ADAMTSL3: variants seen among roughly 807,000 people sequenced by gnomAD.
The protein encoded by ADAMTSL3 is ADAMTS-like protein 3.
A neutral mutation model predicts 201.7 loss-of-function variants in ADAMTSL3; 128 were observed. That is an observed-to-expected ratio of 0.63 (90% CI 0.55 to 0.73). ADAMTSL3 has a LOEUF of 0.73. ADAMTSL3 is among the 30% of genes least tolerant of loss of function. The pLI is 0.00. For missense variants in ADAMTSL3, 1,990 were observed against 2,119.6 expected, an observed-to-expected ratio of 0.94 and a Z score of 1.20; for synonymous variants, 738 against 748.4, an observed-to-expected ratio of 0.99 and a Z score of 0.23.
Position 84,023,657 on chromosome 15 carries a change from C to T in ADAMTSL3, c.4458-1581C>T, listed in dbSNP as rs79756320. On this transcript the variant is annotated intron_variant, in intron 26 of 29. Coordinates refer to ENST00000286744, the MANE Select transcript of ADAMTSL3 (RefSeq NM_207517.3). Reference sequence around the variant, plus strand: ...ATGGCATTTCTTGATTTTCAAAACGCGGAGAGAATCCACATTGGGAAATCT... The same window carrying T: ...ATGGCATTTCTTGATTTTCAAAACGTGGAGAGAATCCACATTGGGAAATCT... Among the ~76,000 whole-genome samples, 23 of 152,290 alleles carry T rather than the reference C, an allele frequency of 1.5e-4. No individual in the cohort carries two copies. In the South Asian group the frequency reaches 2.5e-3, roughly 16 times the overall value.
At chr15:83,754,871 G>T (rs1272116558) in intron 3 of ADAMTSL3, among the ~76,000 whole-genome samples, 1 of 152,202 alleles carries the variant, frequency 6.6e-6, no homozygotes, top group Non-Finnish European at 1.5e-5. Flanking sequence ...AAGGTGAGGA[G>T]ATTGGCGTTA....
In ADAMTSL3 at chr15:83,716,928, C is replaced by A. The variant is rs573904323; in HGVS notation, c.189+12420C>A. Reference sequence around the variant, plus strand: ...TTTCAAAATGATTGAGTAAATTTTTCTTTATAATTGGGAAAAGGCAAGATT... The same window carrying A: ...TTTCAAAATGATTGAGTAAATTTTTATTTATAATTGGGAAAAGGCAAGATT... On this transcript the variant is annotated intron_variant, in intron 3 of 29. Coordinates refer to ENST00000286744, the MANE Select transcript of ADAMTSL3 (RefSeq NM_207517.3). 2.6e-5 allele frequency among the ~76,000 whole-genome samples: 4 copies of A among 152,198 alleles called. 1 individual carries two copies. The South Asian group carries it at 8.3e-4, about 32-fold the overall frequency.
chr15:83,930,508 A>T (rs1249878161), intron 17 of ADAMTSL3, among the ~76,000 whole-genome samples: 1 of 152,210 alleles, frequency 6.6e-6, no homozygotes, highest in African/African-American at 2.4e-5. Context: ...TGGTTTATTC[A>T]TGCATCAGCC....
chr15:83,848,700 A>C (rs1032613274), intron 7 of ADAMTSL3, among the ~76,000 whole-genome samples: 1 of 152,240 alleles, frequency 6.6e-6, no homozygotes, highest in Non-Finnish European at 1.5e-5. Context: ...ATCTTGGGCA[A>C]GTCACTTTAA....
intron 5 of ADAMTSL3, among the ~76,000 whole-genome samples, 153 bp downstream of exon 5, chr15:83,804,848 A>C (rs1405421449): frequency 6.6e-6 from 1 of 152,204 alleles, no homozygotes; most frequent in Non-Finnish European, 1.5e-5. Flanking sequence ...TTGTATATCA[A>C]ATATCTTCCA....
intron 3 of ADAMTSL3, among the ~76,000 whole-genome samples, chr15:83,763,374 A>AATTTT (rs1567128426): frequency 6.6e-6 from 1 of 151,710 alleles, no homozygotes; most frequent in Non-Finnish European, 1.5e-5. Context: ...CTGTGATGTG[A>AATTTT]ATTTTATTTT....
chr15:84,017,181 G>A (rs1292703011), intron 25 of ADAMTSL3, among the ~76,000 whole-genome samples: 2 of 152,128 alleles, frequency 1.3e-5, no homozygotes, highest in Non-Finnish European at 2.9e-5. Flanking sequence ...GCAGTGGCGT[G>A]ATCTCAGCTC....
chr15:83,950,872 T>G (rs749513109), intron 19 of ADAMTSL3, among the ~76,000 whole-genome samples: 3 of 152,146 alleles, frequency 2.0e-5, no homozygotes, highest in Non-Finnish European at 4.4e-5. Context: ...TTTACTGAAT[T>G]TGTTTATCAG....
chr15:84,034,338 T>TAG (rs1405828688), intron 28 of ADAMTSL3, among the ~76,000 whole-genome samples: 2 of 152,072 alleles, frequency 1.3e-5, no homozygotes, highest in Non-Finnish European at 2.9e-5. Flanking sequence ...CAGGAAATGT[T>TAG]AGAGAGTGTT....
intron 4 of ADAMTSL3, 92 bp downstream of exon 4, chr15:83,773,742 T>C: frequency 1.4e-6 from 2 of 1,429,382 alleles, no homozygotes; most frequent in Non-Finnish European, 1.9e-6. Flanking sequence ...GGCTTTGGAA[T>C]GTACTGTGAT....
chr15:83,835,733 GT>G (rs1271042465), intron 6 of ADAMTSL3, among the ~76,000 whole-genome samples: 14 of 152,226 alleles, frequency 9.2e-5, no homozygotes, highest in Non-Finnish European at 1.5e-4. Context: ...GACCATGCAA[GT>G]GTGTTTCCAA....
chr15:83,896,492 G>A (rs1233940290), intron 13 of ADAMTSL3, among the ~76,000 whole-genome samples: 3 of 152,118 alleles, frequency 2.0e-5, no homozygotes, highest in African/African-American at 7.2e-5. Flanking sequence ...ATTTAATAAT[G>A]ATATATTAAA....
intron 3 of ADAMTSL3, among the ~76,000 whole-genome samples, chr15:83,769,687 T>G (rs1449309870): frequency 6.6e-6 from 1 of 152,142 alleles, no homozygotes; most frequent in African/African-American, 2.4e-5. Flanking sequence ...GAGACTTGAG[T>G]GAAAATTATT....
chr15:83,918,754 T>G (rs2066082761), intron 16 of ADAMTSL3, among the ~76,000 whole-genome samples: 1 of 152,160 alleles, frequency 6.6e-6, no homozygotes, highest in Non-Finnish European at 1.5e-5. Context: ...ATTCAAGTAA[T>G]TAAAGTGGGA....
At position 83,754,195 on chromosome 15, in the gene ADAMTSL3, A is replaced by C. The variant is rs1383017661; in HGVS notation, c.190-19328A>C. On this transcript the variant is annotated intron_variant, in intron 3 of 29. Coordinates refer to ENST00000286744, the MANE Select transcript of ADAMTSL3 (RefSeq NM_207517.3). Reference sequence around the variant, plus strand: ...ACCATAAATGTCTCCAGGCATCTCAAAATGTTCCCTGGGGGGCAAAACTGT... The same window carrying C: ...ACCATAAATGTCTCCAGGCATCTCACAATGTTCCCTGGGGGGCAAAACTGT... Among the ~76,000 whole-genome samples the C allele has an allele frequency of 2.0e-5, 3 of 152,126 alleles. No homozygotes were observed. In the East Asian group the frequency reaches 5.8e-4, roughly 29 times the overall value.
chr15:83,771,482 T>C (rs1167507249), intron 3 of ADAMTSL3, among the ~76,000 whole-genome samples: 1 of 152,238 alleles, frequency 6.6e-6, no homozygotes, highest in Non-Finnish European at 1.5e-5. Flanking sequence ...ACTATTGTAC[T>C]TTCTGCTTCA....
At chr15:83,955,244 C>T (rs2066837331) in intron 19 of ADAMTSL3, among the ~76,000 whole-genome samples, 1 of 152,216 alleles carries the variant, frequency 6.6e-6, no homozygotes, top group African/African-American at 2.4e-5. Context: ...CAAAATCCTT[C>T]CCCCTCTTCC....
At chr15:83,744,808 G>A (rs1171496885) in intron 3 of ADAMTSL3, among the ~76,000 whole-genome samples, 1 of 152,182 alleles carries the variant, frequency 6.6e-6, no homozygotes, top group African/African-American at 2.4e-5. Context: ...TGTCGTGTTT[G>A]GGGTGTCTTA....
At chr15:83,791,111 A>T (rs964992074) in intron 4 of ADAMTSL3, among the ~76,000 whole-genome samples, 5 of 152,230 alleles carry the variant, frequency 3.3e-5, no homozygotes, top group African/African-American at 1.2e-4. Context: ...ATGGAACAAT[A>T]TTCCACATTC....
Sources: allele counts gnomAD v4.1 joint callset (sites outside exome capture counted in the v4.1 genomes callset), GRCh38; gene constraint gnomAD v4.1.1; transcripts MANE v1.5; gene names NCBI Gene and HGNC (gene_info 2026-07-23, HGNC 2026-07-21).